THRB: variants seen among roughly 807,000 people sequenced by gnomAD.
The protein encoded by THRB is nuclear receptor subfamily 1 group A member 2.
In THRB, 12 loss-of-function variants were observed where a neutral mutation model predicts 47.8. That is an observed-to-expected ratio of 0.25 (90% confidence interval 0.16 to 0.41). The LOEUF is 0.41. Ranked by LOEUF, THRB falls within the 10% of genes least tolerant of loss-of-function variation. The pLI is 1.00. For synonymous variants in THRB, 218 were observed against 212.2 expected (o/e 1.03, Z -0.24); for missense variants, 348 against 589.2 (o/e 0.59, Z 4.24).
intron 3 of THRB, among the ~76,000 whole-genome samples, chr3:24,245,262 G>GA (rs1162770229): frequency 2.2e-5 from 2 of 92,170 alleles, no homozygotes; most frequent in Non-Finnish European, 3.1e-5. Flanking sequence ...CAGCTGGCAA[G>GA]GGGAAGAGTT....
chr3:24,436,501 ACTTCT>A (rs1244627745), intron 1 of THRB, among the ~76,000 whole-genome samples: 1 of 152,134 alleles, frequency 6.6e-6, no homozygotes, highest in Non-Finnish European at 1.5e-5. Context: ...ATGCACACAC[ACTTCT>A]CTTTCTCAAG....
At chr3:24,305,844 T>C (rs2057298952) in intron 2 of THRB, among the ~76,000 whole-genome samples, 3 of 152,202 alleles carry the variant, frequency 2.0e-5, no homozygotes, top group African/African-American at 7.2e-5. Context: ...CTATGCAGCA[T>C]TCAAAATCAG....
intron 3 of THRB, among the ~76,000 whole-genome samples, chr3:24,254,864 T>C (rs550954531): frequency 1.3e-5 from 2 of 152,372 alleles, no homozygotes; most frequent in African/African-American, 2.4e-5. Flanking sequence ...ATTAGCCATG[T>C]AGAATCACAT....
chr3:24,398,839 CAAT>C (rs907646251), intron 1 of THRB, among the ~76,000 whole-genome samples: 15 of 152,152 alleles, frequency 9.9e-5, no homozygotes, highest in African/African-American at 3.4e-4. Flanking sequence ...AAATGTCCAA[CAAT>C]GATAGACTGG....
chr3:24,192,629 C>G (rs1414705523), intron 4 of THRB, among the ~76,000 whole-genome samples: 2 of 152,164 alleles, frequency 1.3e-5, no homozygotes, highest in African/African-American at 2.4e-5. Context: ...AGGGGCTCCA[C>G]TCCAAGAGGA....
intron 1 of THRB, among the ~76,000 whole-genome samples, chr3:24,487,411 C>T (rs1433663452): frequency 1.3e-5 from 2 of 152,108 alleles, no homozygotes; most frequent in Admixed American, 1.3e-4. Flanking sequence ...CCTGCTCTCC[C>T]CTTTCTTGGA....
intron 5 of THRB, among the ~76,000 whole-genome samples, chr3:24,152,970 A>AAAAG (rs60859687): frequency 7.6e-4 from 92 of 120,930 alleles, no homozygotes; most frequent in Non-Finnish European, 4.2e-4. Flanking sequence ...CAAAAAAAAA[A>AAAAG]AAAGAAAGAA....
chr3:24,156,576 G>A (rs1202654497), intron 5 of THRB, among the ~76,000 whole-genome samples: 1 of 152,198 alleles, frequency 6.6e-6, no homozygotes, highest in Non-Finnish European at 1.5e-5. Flanking sequence ...TCTTAAGGGA[G>A]GGGCTGTGGT....
intron 1 of THRB, among the ~76,000 whole-genome samples, chr3:24,404,943 T>C (rs2067701162): frequency 6.6e-6 from 1 of 151,926 alleles, no homozygotes; most frequent in Non-Finnish European, 1.5e-5. Context: ...TATGCATTAG[T>C]CTATAACCTT....
chr3:24,297,877 C>T (rs998774554), intron 2 of THRB, among the ~76,000 whole-genome samples: 2 of 152,148 alleles, frequency 1.3e-5, no homozygotes, highest in Non-Finnish European at 2.9e-5. Flanking sequence ...ACTTGTAGCA[C>T]GTGTAAGGGC....
At chr3:24,181,739 C>T (rs539614217) in intron 5 of THRB, among the ~76,000 whole-genome samples, 50 of 152,344 alleles carry the variant, frequency 3.3e-4, no homozygotes, top group African/African-American at 1.1e-3. Context: ...TCTTTTCCTT[C>T]TCTCTTATCC....
intron 8 of THRB, among the ~76,000 whole-genome samples, chr3:24,135,688 CT>C (rs2034534192): frequency 6.6e-6 from 1 of 151,932 alleles, no homozygotes; most frequent in African/African-American, 2.4e-5. Flanking sequence ...TCAGATATCC[CT>C]GCTCTTCTTT....
chr3:24,356,410 T>TTTTC (rs2149590287), intron 1 of THRB, among the ~76,000 whole-genome samples: 1 of 152,224 alleles, frequency 6.6e-6, no homozygotes, highest in East Asian at 1.9e-4. Flanking sequence ...TCTTCTCCCC[T>TTTTC]TTTCTTAAGA....
intron 4 of THRB, among the ~76,000 whole-genome samples, chr3:24,206,886 T>G (rs9881936): frequency 6.6e-6 from 1 of 152,062 alleles, no homozygotes; most frequent in Non-Finnish European, 1.5e-5. Context: ...ACAAATAAAC[T>G]AGAAAATCTA....
intron 1 of THRB, among the ~76,000 whole-genome samples, chr3:24,343,965 A>G (rs1273937396): frequency 3.4e-5 from 5 of 147,578 alleles, no homozygotes; most frequent in African/African-American, 7.4e-5. Context: ...ATATATATAT[A>G]TATTTATTTC....
intron 3 of THRB, among the ~76,000 whole-genome samples, chr3:24,232,465 G>C (rs1483039897): frequency 6.6e-6 from 1 of 152,194 alleles, no homozygotes; most frequent in Non-Finnish European, 1.5e-5. Flanking sequence ...CTTATTTGGG[G>C]AGGATTTTGA....
intron 3 of THRB, among the ~76,000 whole-genome samples, chr3:24,280,454 G>A (rs1473471399): frequency 6.6e-6 from 1 of 152,136 alleles, no homozygotes; most frequent in Non-Finnish European, 1.5e-5. Flanking sequence ...CATCATCAAA[G>A]ACCAAAAGTA....
chr3:24,484,453 A>G (rs1158465130), intron 1 of THRB, among the ~76,000 whole-genome samples: 1 of 152,130 alleles, frequency 6.6e-6, no homozygotes, highest in Non-Finnish European at 1.5e-5. Flanking sequence ...TAATATTTTT[A>G]TATTGATTAC....
chr3:24,253,113 C>G (rs1485806317), intron 3 of THRB, among the ~76,000 whole-genome samples: 1 of 151,934 alleles, frequency 6.6e-6, no homozygotes, highest in African/African-American at 2.4e-5. Flanking sequence ...AGGTAACACT[C>G]AGAGATAATG....
Sources: allele counts gnomAD v4.1 joint callset (sites outside exome capture counted in the v4.1 genomes callset), GRCh38; gene constraint gnomAD v4.1.1; transcripts MANE v1.5; gene names NCBI Gene and HGNC (gene_info 2026-07-23, HGNC 2026-07-21).